Variants in DRC11 observed in about 807,000 individuals in gnomAD.
DRC11 encodes dynein regulatory complex subunit 11.
chr2:236,359,199 C>G, the DRC11 span, among the ~76,000 whole-genome samples: 3 of 151,452 alleles, frequency 2.0e-5, no homozygotes, highest in Admixed American at 1.3e-4. The surrounding 1 kb of genome is among the most constrained non-coding windows in gnomAD (Gnocchi z 4.3). Flanking sequence ...CCCTAGTAGA[C>G]TATATATAGT....
the DRC11 span, among the ~76,000 whole-genome samples, chr2:236,327,465 G>A: frequency 5.9e-5 from 9 of 151,990 alleles, no homozygotes; most frequent in African/African-American, 7.3e-5. Context: ...GGCTGGTCTC[G>A]AACTCCTGAC....
the DRC11 span, among the ~76,000 whole-genome samples, chr2:236,459,681 G>GTATATACA: frequency 7.2e-6 from 1 of 138,958 alleles, no homozygotes; most frequent in Non-Finnish European, 1.6e-5. Flanking sequence ...ACGTATATAT[G>GTATATACA]TATATACATA....
chr2:236,404,211 AAG>A, the DRC11 span, among the ~76,000 whole-genome samples: 11 of 152,104 alleles, frequency 7.2e-5, 1 homozygote, highest in African/African-American at 2.4e-4. Context: ...AGAAAGAAAA[AAG>A]AAAAAAAATC....
the DRC11 span, among the ~76,000 whole-genome samples, chr2:236,503,975 G>C: frequency 6.6e-6 from 1 of 152,126 alleles, no homozygotes; most frequent in Non-Finnish European, 1.5e-5. The surrounding 1 kb of genome is among the most constrained non-coding windows in gnomAD (Gnocchi z 4.9). Context: ...ACACAGCATA[G>C]AATTCACTCT....
At chr2:236,394,021 A>C in the DRC11 span, among the ~76,000 whole-genome samples, 20 of 152,076 alleles carry the variant, frequency 1.3e-4, no homozygotes, top group East Asian at 3.9e-3. The surrounding 1 kb of genome is among the most constrained non-coding windows in gnomAD (Gnocchi z 7.0). Context: ...ATTTTTAATA[A>C]ATATTTATAT....
chr2:236,462,442 C>T, the DRC11 span, among the ~76,000 whole-genome samples: 9 of 152,094 alleles, frequency 5.9e-5, no homozygotes, highest in East Asian at 1.9e-4. The surrounding 1 kb of genome is among the most constrained non-coding windows in gnomAD (Gnocchi z 6.4). Context: ...GAGGTCGAGG[C>T]GGGTGGATCA....
the DRC11 span, among the ~76,000 whole-genome samples, chr2:236,506,977 G>A: frequency 2.6e-5 from 4 of 152,204 alleles, no homozygotes; most frequent in Non-Finnish European, 5.9e-5. The surrounding 1 kb of genome is among the most constrained non-coding windows in gnomAD (Gnocchi z 4.9). Context: ...CTAAGGGCTT[G>A]GCAGGTATAC....
chr2:236,483,312 C>A, the DRC11 span, among the ~76,000 whole-genome samples: 1 of 152,176 alleles, frequency 6.6e-6, no homozygotes, highest in South Asian at 2.1e-4. The surrounding 1 kb of genome is among the most constrained non-coding windows in gnomAD (Gnocchi z 4.8). Context: ...CCATTGGATT[C>A]TGACAGCACA....
the DRC11 span, among the ~76,000 whole-genome samples, chr2:236,356,990 ATC>A: frequency 3.6e-5 from 4 of 111,644 alleles, no homozygotes; most frequent in Non-Finnish European, 7.6e-5. Context: ...TATATTATAT[ATC>A]TATATATTTA....
At chr2:236,407,786 T>C in the DRC11 span, 1 of 297,278 alleles carries the variant, frequency 3.4e-6, no homozygotes, top group South Asian at 3.3e-5. Context: ...TCATTTTTTT[T>C]TTTTCAGTGG....
chr2:236,335,134 C>T, the DRC11 span, among the ~76,000 whole-genome samples: 15 of 152,298 alleles, frequency 9.8e-5, no homozygotes, highest in East Asian at 3.9e-4. The surrounding 1 kb of genome is among the most constrained non-coding windows in gnomAD (Gnocchi z 5.6). Flanking sequence ...AGTGGGGCCG[C>T]GGGGACTGCT....
At chr2:236,464,760 G>A in the DRC11 span, among the ~76,000 whole-genome samples, 9 of 152,040 alleles carry the variant, frequency 5.9e-5, no homozygotes, top group African/African-American at 2.2e-4. Flanking sequence ...TCATGGCCTG[G>A]TGCTGTCCTT....
the DRC11 span, chr2:236,441,254 G>T: frequency 3.0e-6 from 2 of 658,762 alleles, no homozygotes; most frequent in Admixed American, 4.9e-5. Flanking sequence ...TAGATCAAGG[G>T]CTGGGCATGG....
At chr2:236,488,153 A>T in the DRC11 span, 14 of 1,606,544 alleles carry the variant, frequency 8.7e-6, no homozygotes, top group Non-Finnish European at 1.2e-5. Context: ...GGATTAATTT[A>T]ACAGCCTCAT....
At chr2:236,462,296 G>A in the DRC11 span, among the ~76,000 whole-genome samples, 2 of 152,250 alleles carry the variant, frequency 1.3e-5, no homozygotes, top group South Asian at 4.1e-4. This position sits in a 1 kb window ranked among gnomAD's most constrained non-coding sequence, Gnocchi z 6.4. Context: ...CTGGGGACAC[G>A]TGGCAGAAAC....
At chr2:236,503,751 CT>C in the DRC11 span, 2 of 1,492,576 alleles carry the variant, frequency 1.3e-6, no homozygotes, top group Non-Finnish European at 1.8e-6. This position sits in a 1 kb window ranked among gnomAD's most constrained non-coding sequence, Gnocchi z 4.9. Context: ...ACCACACCCC[CT>C]CCCACACTGG....
the DRC11 span, among the ~76,000 whole-genome samples, chr2:236,405,576 C>T: frequency 6.6e-6 from 1 of 151,968 alleles, no homozygotes; most frequent in Non-Finnish European, 1.5e-5. This position sits in a 1 kb window ranked among gnomAD's most constrained non-coding sequence, Gnocchi z 4.6. Flanking sequence ...GCTTTCTCAT[C>T]GGCCTCTCAC....
chr2:236,471,088 A>T, the DRC11 span, among the ~76,000 whole-genome samples: 1 of 152,214 alleles, frequency 6.6e-6, no homozygotes, highest in Admixed American at 6.5e-5. This position sits in a 1 kb window ranked among gnomAD's most constrained non-coding sequence, Gnocchi z 4.6. Context: ...ACTTCTCAAC[A>T]CAGCCTTATG....
At chr2:236,459,568 T>TAC in the DRC11 span, among the ~76,000 whole-genome samples, 13 of 131,116 alleles carry the variant, frequency 9.9e-5, no homozygotes, top group African/African-American at 2.2e-4. Context: ...TACGTATATA[T>TAC]GTGTATACAT....
Sources: allele counts gnomAD v4.1 joint callset (sites outside exome capture counted in the v4.1 genomes callset), GRCh38; gene constraint gnomAD v4.1.1; non-coding constraint Gnocchi (gnomAD v3.1); transcripts MANE v1.5; gene names NCBI Gene and HGNC (gene_info 2026-07-23, HGNC 2026-07-21).